The following SCOC variants were observed in gnomAD, a reference collection of about 807,000 sequenced individuals.
The protein encoded by SCOC is short coiled-coil protein.
A neutral mutation model predicts 9.9 loss-of-function variants in SCOC; 7 were observed. The observed-to-expected ratio is 0.71, with a 90% CI of 0.40 to 1.33. SCOC has a LOEUF of 1.33. Ranked by LOEUF, SCOC falls within the 40% of genes most tolerant of loss-of-function variation. The probability of loss-of-function intolerance (pLI) is 0.01; values close to 1 mark genes in which losing one functional copy is unlikely to be tolerated. For synonymous variants in SCOC, 19 were observed against 28.2 expected (o/e 0.67, Z 1.03); for missense variants, 66 against 89.7 (o/e 0.74, Z 1.07).
upstream of SCOC, among the ~76,000 whole-genome samples, chr4:140,340,676 T>C (rs1249821688): frequency 6.6e-6 from 1 of 150,868 alleles, no homozygotes; most frequent in Non-Finnish European, 1.5e-5. Flanking sequence ...ATATTCACCA[T>C]GGATAATTTA....
At chr4:140,362,081 A>T (rs1263472061) in intron 2 of SCOC, among the ~76,000 whole-genome samples, 1 of 119,810 alleles carries the variant, frequency 8.3e-6, no homozygotes, top group Non-Finnish European at 1.9e-5. Context: ...CACAGCCCCT[A>T]TCCCTTAGTA....
intron 1 of SCOC, among the ~76,000 whole-genome samples, chr4:140,291,915 T>C (rs1324245243): frequency 2.0e-5 from 3 of 152,200 alleles, no homozygotes; most frequent in Non-Finnish European, 4.4e-5. Flanking sequence ...TTATAGTTTA[T>C]GCTTGCCATG....
chr4:140,376,128 A>T (rs549135495), intron 1 of SCOC, among the ~76,000 whole-genome samples: 1 of 152,220 alleles, frequency 6.6e-6, no homozygotes, highest in Non-Finnish European at 1.5e-5. Flanking sequence ...ATCTGTTATG[A>T]TGTAGTACTG....
At chr4:140,292,621 C>T (rs75428150) in intron 1 of SCOC, among the ~76,000 whole-genome samples, 1 of 152,168 alleles carries the variant, frequency 6.6e-6, no homozygotes, top group Non-Finnish European at 1.5e-5. Context: ...TAGTTATTGG[C>T]CTGGAAGCCA....
intron 1 of SCOC, among the ~76,000 whole-genome samples, chr4:140,270,868 A>G (rs192579677): frequency 4.6e-5 from 7 of 152,274 alleles, no homozygotes; most frequent in African/African-American, 1.4e-4. Context: ...GATAGATACA[A>G]TTACCCTATA....
At chr4:140,279,920 C>T (rs1171413210) in intron 1 of SCOC, among the ~76,000 whole-genome samples, 1 of 152,076 alleles carries the variant, frequency 6.6e-6, no homozygotes, top group Non-Finnish European at 1.5e-5. Flanking sequence ...TCTCAAGGGC[C>T]CAAGATGGAT....
At chr4:140,366,070 G>A (rs1727779530) in intron 2 of SCOC, among the ~76,000 whole-genome samples, 1 of 152,108 alleles carries the variant, frequency 6.6e-6, no homozygotes, top group Non-Finnish European at 1.5e-5. Flanking sequence ...TGGTTACCAG[G>A]GAAACAGAAA....
chr4:140,385,210 C>T lies in SCOC; in HGVS notation c.*4106C>T, dbSNP rs1301078604. 6.6e-6 allele frequency: 1 copy of T among 152,162 alleles called. No homozygotes were observed. Among genetic ancestry groups the T allele is most frequent in the Non-Finnish European group, 1.5e-5 (1 of 68,014 alleles). 9.4% of individuals were successfully genotyped at this position (152,162 alleles called of 1,614,324 possible). A position where few individuals can be genotyped will look rare whatever the true frequency, so the allele number is the denominator to read the frequency against. On this transcript the variant is annotated 3_prime_UTR_variant, in exon 4 of 4. Transcript: ENST00000608372. ...AGCAGGTTACTACACATCACAGATCCTCGTCTGAAACTTGTAGGGCCAGAT... is the reference window on the plus strand; with the variant it reads ...AGCAGGTTACTACACATCACAGATCTTCGTCTGAAACTTGTAGGGCCAGAT...
At chr4:140,276,830 G>A (rs1024475002) in intron 1 of SCOC, among the ~76,000 whole-genome samples, 6 of 152,006 alleles carry the variant, frequency 3.9e-5, no homozygotes, top group Non-Finnish European at 8.8e-5. Context: ...TGGGACAGTT[G>A]GTCAGCTTAG....
chr4:140,269,929 T>C (rs965333853), intron 1 of SCOC, among the ~76,000 whole-genome samples: 9 of 152,038 alleles, frequency 5.9e-5, no homozygotes, highest in African/African-American at 1.9e-4. Flanking sequence ...TTTTTAAAAT[T>C]TTCGTAGAGA....
intron 1 of SCOC, among the ~76,000 whole-genome samples, chr4:140,290,956 T>C (rs757976370): frequency 6.6e-6 from 1 of 152,216 alleles, no homozygotes; most frequent in Non-Finnish European, 1.5e-5. Context: ...TCAAAAAGCA[T>C]ATAATAATTT....
chr4:140,305,078 A>G (rs1225990653), intron 1 of SCOC, among the ~76,000 whole-genome samples: 1 of 152,228 alleles, frequency 6.6e-6, no homozygotes, highest in Non-Finnish European at 1.5e-5. Context: ...AATCCCCTTC[A>G]GGAGGTTTGT....
chr4:140,345,792 GC>G (rs923507791), intron 2 of SCOC, among the ~76,000 whole-genome samples: 6 of 152,050 alleles, frequency 3.9e-5, no homozygotes, highest in Non-Finnish European at 5.9e-5. Context: ...TAAATGCCTT[GC>G]CCAAGAGCAC....
chr4:140,349,228 C>T (rs941987935), intron 2 of SCOC, among the ~76,000 whole-genome samples: 4 of 152,182 alleles, frequency 2.6e-5, no homozygotes, highest in African/African-American at 4.8e-5. Context: ...CCCTGGAGAG[C>T]ATGTGCCCGG....
intron 1 of SCOC, among the ~76,000 whole-genome samples, chr4:140,316,925 C>T (rs1166178028): frequency 2.0e-5 from 3 of 152,144 alleles, no homozygotes; most frequent in Non-Finnish European, 4.4e-5. Context: ...TCTCCAGGCT[C>T]ATGAGAAAAT....
At chr4:140,297,251 A>G (rs529267545) in intron 1 of SCOC, among the ~76,000 whole-genome samples, 40 of 124,550 alleles carry the variant, frequency 3.2e-4, no homozygotes, top group African/African-American at 1.3e-3. Context: ...GCCGGAGAGG[A>G]GAGCATTCTG....
intron 1 of SCOC, among the ~76,000 whole-genome samples, chr4:140,337,781 A>C (rs1287659782): frequency 3.3e-5 from 5 of 152,212 alleles, no homozygotes; most frequent in Non-Finnish European, 7.3e-5. Context: ...TAGACCAATA[A>C]CAGGCTCTGA....
chr4:140,374,784 G>C (rs1017291105), intron 1 of SCOC, among the ~76,000 whole-genome samples: 1 of 152,130 alleles, frequency 6.6e-6, no homozygotes, highest in Non-Finnish European at 1.5e-5. Context: ...AGTTAGACCT[G>C]GGTTCAAATT....
At chr4:140,305,176 G>T (rs1335533094) in intron 1 of SCOC, among the ~76,000 whole-genome samples, 1 of 152,202 alleles carries the variant, frequency 6.6e-6, no homozygotes, top group African/African-American at 2.4e-5. Context: ...CAAACCCTGT[G>T]CCTGGAGACT....
Sources: gnomAD v4.1 joint callset for allele counts (sites outside exome capture counted in the v4.1 genomes callset) on GRCh38, gnomAD v4.1.1 for gene constraint, MANE v1.5 for transcripts, NCBI Gene and HGNC (gene_info 2026-07-23, HGNC 2026-07-21) for gene names.